ZMYND11: variants seen among roughly 807,000 people sequenced by gnomAD.
The protein encoded by ZMYND11 is zinc finger MYND domain-containing protein 11.
ZMYND11 carries 9 observed loss-of-function variants against 84.9 expected under a neutral mutation model. That is an observed-to-expected ratio of 0.11 (90% CI 0.06 to 0.18). ZMYND11 has a LOEUF of 0.18. ZMYND11 is among the 10% of genes least tolerant of loss of function. The probability of loss-of-function intolerance (pLI) is 1.00; values close to 1 mark genes in which losing one functional copy is unlikely to be tolerated. For synonymous variants in ZMYND11, 250 were observed against 244.1 expected, an observed-to-expected ratio of 1.02 and a Z score of -0.23; for missense variants, 409 against 761.0, an observed-to-expected ratio of 0.54 and a Z score of 5.44.
intron 1 of ZMYND11, among the ~76,000 whole-genome samples, chr10:152,239 C>T (rs1415800204): frequency 6.6e-6 from 1 of 152,116 alleles, no homozygotes; most frequent in Non-Finnish European, 1.5e-5. Context: ...TGTAAATGGG[C>T]TAAATGCTCC....
intron 1 of ZMYND11, among the ~76,000 whole-genome samples, chr10:137,114 A>C (rs181234081): frequency 1.1e-4 from 17 of 152,206 alleles, no homozygotes; most frequent in Admixed American, 8.5e-4. Context: ...CCATGCATGC[A>C]CTATCCTTGT....
chr10:169,976 A>G (rs1554765178), intron 1 of ZMYND11, among the ~76,000 whole-genome samples: 1 of 152,088 alleles, frequency 6.6e-6, no homozygotes, highest in African/African-American at 2.4e-5. Context: ...TGGCAAAAAT[A>G]TTATACCTAA....
chr10:248,079 T>C (rs1952546655), intron 12 of ZMYND11, among the ~76,000 whole-genome samples: 1 of 152,214 alleles, frequency 6.6e-6, no homozygotes, highest in African/African-American at 2.4e-5. Flanking sequence ...TAAGTAAAAT[T>C]ATAAATGAAG....
intron 1 of ZMYND11, among the ~76,000 whole-genome samples, chr10:137,044 G>C (rs1333590772): frequency 6.6e-6 from 1 of 152,056 alleles, no homozygotes; most frequent in Non-Finnish European, 1.5e-5. Flanking sequence ...GTTATATATG[G>C]TGTGTAGGTA....
At position 240,040 on chromosome 10, in the gene ZMYND11, CTA is replaced by C. The variant is rs748604793; in HGVS notation, c.698-14_698-13del. The C allele has an allele frequency of 1.2e-6, 2 of 1,604,966 alleles. No homozygotes were observed. The highest frequency in any genetic ancestry group is 1.7e-6 in the Non-Finnish European group (2 of 1,174,836). ...GCAGACTATTGCTTATAGGTAATATCTATTTTTAATTACAGCAGACAGTGAGC... is the reference window on the plus strand; with the variant it reads ...GCAGACTATTGCTTATAGGTAATATCTTTTTAATTACAGCAGACAGTGAGC... On this transcript the variant is annotated splice_polypyrimidine_tract_variant and intron_variant, in intron 7 of 14. Coordinates refer to ENST00000381604, the MANE Select transcript of ZMYND11 (RefSeq NM_001370100.5).
chr10:215,867 T>A (rs1243168056), intron 3 of ZMYND11, among the ~76,000 whole-genome samples: 3 of 152,168 alleles, frequency 2.0e-5, no homozygotes, highest in Admixed American at 2.0e-4. Context: ...CCTTTTTAAA[T>A]GAAAAGGTAG....
intron 1 of ZMYND11, among the ~76,000 whole-genome samples, chr10:164,431 A>G (rs145789220): frequency 6.6e-6 from 1 of 152,302 alleles, no homozygotes; most frequent in East Asian, 1.9e-4. Flanking sequence ...ATTGTTGCTC[A>G]TAATACATGT....
At chr10:160,949 CTTTTTTTTTTTTTT>C (rs57227207) in intron 1 of ZMYND11, among the ~76,000 whole-genome samples, 4 of 102,256 alleles carry the variant, frequency 3.9e-5, no homozygotes, top group Admixed American at 1.1e-4. Flanking sequence ...AAATTACTTA[CTTTTTTTTTTTTTT>C]TTTTTTTTTT....
chr10:202,909 C>G (rs937260379), intron 2 of ZMYND11, among the ~76,000 whole-genome samples: 1 of 151,358 alleles, frequency 6.6e-6, no homozygotes, highest in East Asian at 1.9e-4. Context: ...CTAAGAAAAC[C>G]CATTGTGTGG....
rs1952285245 is a variant in ZMYND11 at position 246,986 on chromosome 10, C to A, written c.1158+13C>A. ...CAGTAATGAGCAGGTGAGTGTGTCT[C>A]CGGAAGGAAGTGCCTATTCATTATT... On this transcript the variant is annotated intron_variant, in intron 11 of 14. Coordinates refer to ENST00000381604, the MANE Select transcript of ZMYND11 (RefSeq NM_001370100.5). 3 of 1,591,528 alleles carry A rather than the reference C, an allele frequency of 1.9e-6. No individual in the cohort carries two copies. Among genetic ancestry groups the A allele is most frequent in the African/African-American group, 2.7e-5 (2 of 74,686 alleles).
Position 249,453 on chromosome 10 carries a change from A to G in ZMYND11, c.1686+365A>G, listed in dbSNP as rs1219666953. ...TGGGTAACATCCAAATGGTGAAATT[A>G]TAAATGTAATTATCACAATAAATAG... On this transcript the variant is annotated intron_variant, in intron 14 of 14. Transcript: ENST00000381604. 7 of 985,072 alleles carry G rather than the reference A, an allele frequency of 7.1e-6. No individual in the cohort carries two copies. The Admixed American group carries it at 1.8e-4, about 26-fold the overall frequency. 61.0% of individuals were successfully genotyped at this position (985,072 alleles called of 1,614,324 possible).
intron 1 of ZMYND11, among the ~76,000 whole-genome samples, chr10:172,535 A>G (rs1845594499): frequency 6.6e-6 from 1 of 152,202 alleles, no homozygotes; most frequent in African/African-American, 2.4e-5. Context: ...CTTAGGTAGA[A>G]ATCTAATAAA....
At chr10:224,074 T>G (rs972476606) in intron 4 of ZMYND11, among the ~76,000 whole-genome samples, 24 of 152,322 alleles carry the variant, frequency 1.6e-4, no homozygotes, top group African/African-American at 5.1e-4. Flanking sequence ...CATTACTACC[T>G]AAAACTGACA....
intron 4 of ZMYND11, among the ~76,000 whole-genome samples, chr10:230,750 G>A (rs916915689): frequency 1.3e-5 from 2 of 152,172 alleles, no homozygotes; most frequent in Admixed American, 6.5e-5. Flanking sequence ...GGGTATAACT[G>A]CTTCACATTT....
intron 2 of ZMYND11, among the ~76,000 whole-genome samples, chr10:195,162 A>C (rs999940412): frequency 6.6e-6 from 1 of 152,196 alleles, no homozygotes; most frequent in African/African-American, 2.4e-5. Flanking sequence ...GTGTTAAGAG[A>C]CAGTAACTCT....
intron 1 of ZMYND11, among the ~76,000 whole-genome samples, chr10:172,509 C>T (rs1295422754): frequency 6.6e-6 from 1 of 152,018 alleles, no homozygotes; most frequent in Admixed American, 6.6e-5. Flanking sequence ...TACATTAGTA[C>T]CCCCGAAATG....
At chr10:141,387 A>T (rs1289158725) in intron 1 of ZMYND11, among the ~76,000 whole-genome samples, 1 of 152,220 alleles carries the variant, frequency 6.6e-6, no homozygotes, top group African/African-American at 2.4e-5. Context: ...TACTGAAGCA[A>T]GCACAATAAA....
At chr10:165,697 G>A (rs782049310) in intron 1 of ZMYND11, among the ~76,000 whole-genome samples, 79 of 151,608 alleles carry the variant, frequency 5.2e-4, no homozygotes, top group Non-Finnish European at 8.6e-4. Flanking sequence ...ATTAAGTTGT[G>A]ATATTTTTTC....
intron 1 of ZMYND11, among the ~76,000 whole-genome samples, chr10:136,947 C>A (rs372375451): frequency 1.3e-5 from 2 of 152,100 alleles, no homozygotes; most frequent in Admixed American, 6.5e-5. Flanking sequence ...TATCTGGTGT[C>A]ATATACAGTG....
Sources: allele counts gnomAD v4.1 joint callset (sites outside exome capture counted in the v4.1 genomes callset), GRCh38; gene constraint gnomAD v4.1.1; transcripts MANE v1.5; gene names NCBI Gene and HGNC (gene_info 2026-07-23, HGNC 2026-07-21).